KIAA1671: variants seen among roughly 807,000 people sequenced by gnomAD.
The protein encoded by KIAA1671 is KIAA1671, also known as uncharacterized protein KIAA1671.
A neutral mutation model predicts 131.2 loss-of-function variants in KIAA1671; 52 were observed. That is an observed-to-expected ratio of 0.40 (90% CI 0.32 to 0.50). KIAA1671 has a LOEUF of 0.50. Ranked by LOEUF, KIAA1671 falls within the 20% of genes least tolerant of loss-of-function variation. The pLI, the probability that KIAA1671 is intolerant of heterozygous loss-of-function variation, is 0.73. For synonymous variants in KIAA1671, 1,003 were observed against 961.6 expected (o/e 1.04, Z -0.80); for missense variants, 2,360 against 2,364.2 (o/e 1.00, Z 0.04).
At chr22:24,955,715 A>T (rs937047286) in intron 1 of KIAA1671, among the ~76,000 whole-genome samples, 1 of 152,126 alleles carries the variant, frequency 6.6e-6, no homozygotes, top group African/African-American at 2.4e-5. Flanking sequence ...GGGGCCAGTA[A>T]GCAGGCTGCT....
Position 25,049,379 on chromosome 22 carries a change from A to T in KIAA1671, c.4530+15A>T. The T allele has an allele frequency of 6.5e-7, 1 of 1,545,692 alleles. No individual in the cohort carries two copies. Among genetic ancestry groups the T allele is most frequent in the Non-Finnish European group, 8.8e-7 (1 of 1,142,188 alleles). On this transcript the variant is annotated intron_variant, in intron 6 of 12. Transcript: ENST00000358431. ...GGCCCTTTGTGGTGAGTGATGCAAC[A>T]TGGCTGGAGAGGATTGCACAGGGGT...
intron 1 of KIAA1671, among the ~76,000 whole-genome samples, chr22:24,968,905 G>T (rs924937066): frequency 5.3e-5 from 8 of 152,050 alleles, no homozygotes; most frequent in East Asian, 1.9e-4. Context: ...GTGTTGTGTT[G>T]TTTTGTTTTG....
At position 25,038,976 on chromosome 22, in the gene KIAA1671, G is replaced by C; in HGVS notation, c.1846G>C (p.Glu616Gln). 1 of 1,551,764 alleles carries C rather than the reference G, an allele frequency of 6.4e-7. No homozygotes were observed. The highest frequency in any genetic ancestry group is 1.2e-5 in the South Asian group (1 of 84,062). ...CCAGACTGTGTGGGCCACAGTATTT[G>C]AGCACCACGTGGAGAGACACACAGT... ...SFQTVWATVFEHHVERHTVAD... is the reference protein window; with the variant it reads ...SFQTVWATVFQHHVERHTVAD... Residue 616 changes from glutamate (E) to glutamine (Q), a missense_variant, in exon 5 of 13, where the codon GAG (glutamate) becomes CAG (glutamine). Physicochemically the swap from Glu to Gln is conservative, Grantham distance 29. This residue lies in a region of KIAA1671 where 1,185 missense variants were observed against 1,126.2 expected (regional missense o/e 1.05). Transcript: ENST00000358431.
chr22:25,021,850 G>A (rs897448826), intron 1 of KIAA1671, among the ~76,000 whole-genome samples: 13 of 151,664 alleles, frequency 8.6e-5, no homozygotes, highest in Non-Finnish European at 1.6e-4. Flanking sequence ...GCAGTGGTGC[G>A]ATCTCAGCTC....
intron 6 of KIAA1671, chr22:25,061,196 T>A (rs1339053513): frequency 6.6e-6 from 1 of 152,234 alleles, no homozygotes; most frequent in African/African-American, 2.4e-5. Context: ...AGTGAGAAAC[T>A]TATGGTTATA....
intron 6 of KIAA1671, among the ~76,000 whole-genome samples, chr22:25,137,508 T>A (rs1932730562): frequency 6.6e-6 from 1 of 152,236 alleles, no homozygotes; most frequent in South Asian, 2.1e-4. Context: ...TGGCCAATAA[T>A]TGATGTTAAA....
intron 1 of KIAA1671, among the ~76,000 whole-genome samples, chr22:24,974,024 A>G (rs1922780222): frequency 6.6e-6 from 1 of 152,148 alleles, no homozygotes; most frequent in South Asian, 2.1e-4. Flanking sequence ...GGTGGTTTGC[A>G]CAACGGGACT....
chr22:24,985,438 C>T (rs1923470433), intron 1 of KIAA1671, among the ~76,000 whole-genome samples: 1 of 151,694 alleles, frequency 6.6e-6, no homozygotes. Flanking sequence ...CTCCCGGGTT[C>T]ACGCCATTCT....
intron 1 of KIAA1671, among the ~76,000 whole-genome samples, chr22:24,967,323 A>G (rs1328678690): frequency 6.6e-6 from 1 of 152,154 alleles, no homozygotes; most frequent in African/African-American, 2.4e-5. Flanking sequence ...ACGGAGGCTC[A>G]GAAAGATAAA....
At chr22:24,982,129 T>G (rs1266031472) in intron 1 of KIAA1671, among the ~76,000 whole-genome samples, 1 of 152,238 alleles carries the variant, frequency 6.6e-6, no homozygotes, top group East Asian at 1.9e-4. Context: ...ACTTCTTATG[T>G]TATTATTCCT....
chr22:25,017,651 C>A (rs1925400203), intron 1 of KIAA1671, among the ~76,000 whole-genome samples: 1 of 152,074 alleles, frequency 6.6e-6, no homozygotes, highest in Non-Finnish European at 1.5e-5. Context: ...TGATTTTTAC[C>A]CCAATTTTTT....
intron 6 of KIAA1671, among the ~76,000 whole-genome samples, chr22:25,154,461 T>A (rs1022008690): frequency 1.3e-5 from 2 of 152,204 alleles, no homozygotes; most frequent in Non-Finnish European, 2.9e-5. Context: ...AGATATACCA[T>A]CCACTTGGGT....
chr22:25,076,893 C>G (rs1038957557), intron 6 of KIAA1671, among the ~76,000 whole-genome samples: 2 of 152,216 alleles, frequency 1.3e-5, no homozygotes, highest in Non-Finnish European at 2.9e-5. Flanking sequence ...ATGGGTTGAT[C>G]TCATTATTAC....
intron 11 of KIAA1671, among the ~76,000 whole-genome samples, chr22:25,188,643 A>G (rs1031456579): frequency 6.6e-6 from 1 of 152,198 alleles, no homozygotes; most frequent in African/African-American, 2.4e-5. Flanking sequence ...CCACATACGT[A>G]TATTTTGTAT....
chr22:25,160,471 C>G (rs1166074876), intron 6 of KIAA1671, among the ~76,000 whole-genome samples: 2 of 152,306 alleles, frequency 1.3e-5, no homozygotes, highest in East Asian at 1.9e-4. Context: ...CGGTCTTGCT[C>G]CCATCTCTGT....
intron 1 of KIAA1671, among the ~76,000 whole-genome samples, chr22:25,019,228 A>G (rs1182129907): frequency 6.6e-6 from 1 of 152,080 alleles, no homozygotes; most frequent in Non-Finnish European, 1.5e-5. Context: ...GGGATCCACA[A>G]TTCCAGCCAC....
At chr22:24,999,204 G>A (rs747749987) in intron 1 of KIAA1671, among the ~76,000 whole-genome samples, 2 of 152,152 alleles carry the variant, frequency 1.3e-5, no homozygotes, top group African/African-American at 2.4e-5. Flanking sequence ...TAGTAGTACA[G>A]TATTTTATAA....
At chr22:25,074,801 T>C (rs918041472) in intron 6 of KIAA1671, among the ~76,000 whole-genome samples, 1 of 152,160 alleles carries the variant, frequency 6.6e-6, no homozygotes, top group Non-Finnish European at 1.5e-5. Context: ...TTCGGGTGTG[T>C]CCACCTCTTG....
intron 1 of KIAA1671, among the ~76,000 whole-genome samples, chr22:24,977,363 G>A (rs1922968082): frequency 6.6e-6 from 1 of 152,198 alleles, no homozygotes; most frequent in African/African-American, 2.4e-5. Flanking sequence ...GTTACCATGC[G>A]CTGTTGTCTG....
Sources: allele counts gnomAD v4.1 joint callset (sites outside exome capture counted in the v4.1 genomes callset), GRCh38; gene constraint gnomAD v4.1.1; regional missense constraint gnomAD v4.1.1; transcripts MANE v1.5; gene names NCBI Gene and HGNC (gene_info 2026-07-23, HGNC 2026-07-21).